The following ANGPT1 variants were observed in gnomAD, a reference collection of about 807,000 sequenced individuals.
ANGPT1 encodes the protein angiopoietin-1.
A neutral mutation model predicts 62.2 loss-of-function variants in ANGPT1; 17 were observed. That is an observed-to-expected ratio of 0.27 (90% CI 0.19 to 0.41). The LOEUF (loss-of-function observed/expected upper bound fraction) is 0.41. Ranked by LOEUF, ANGPT1 falls within the 10% of genes least tolerant of loss-of-function variation. The pLI is 1.00. For synonymous variants in ANGPT1, 199 were observed against 198.9 expected, an observed-to-expected ratio of 1.00 and a Z score of 0.00; for missense variants, 478 against 594.9, an observed-to-expected ratio of 0.80 and a Z score of 2.04.
intron 1 of ANGPT1, among the ~76,000 whole-genome samples, chr8:107,459,936 A>C (rs1812022983): frequency 6.6e-6 from 1 of 152,176 alleles, no homozygotes; most frequent in African/African-American, 2.4e-5. Context: ...TTGTTTGTTG[A>C]CTAAGTGCCA....
intron 1 of ANGPT1, among the ~76,000 whole-genome samples, chr8:107,470,291 T>TG (rs1812318388): frequency 6.6e-6 from 1 of 152,114 alleles, no homozygotes; most frequent in Non-Finnish European, 1.5e-5. Flanking sequence ...TCTTACTCAA[T>TG]TTTGAAGACT....
intron 6 of ANGPT1, among the ~76,000 whole-genome samples, chr8:107,290,763 T>C (rs1814253945): frequency 6.6e-6 from 1 of 152,186 alleles, no homozygotes; most frequent in Non-Finnish European, 1.5e-5. Context: ...ATAGCCTTTC[T>C]TATTTTAAAA....
At chr8:107,398,268 G>T (rs563774502) in intron 1 of ANGPT1, among the ~76,000 whole-genome samples, 69 of 152,192 alleles carry the variant, frequency 4.5e-4, no homozygotes, top group African/African-American at 1.4e-3. Flanking sequence ...TTTTGTTAGT[G>T]GGTGATAGGT....
At chr8:107,319,346 T>A (rs982205511) in intron 4 of ANGPT1, among the ~76,000 whole-genome samples, 1 of 152,102 alleles carries the variant, frequency 6.6e-6, no homozygotes, top group East Asian at 1.9e-4. Context: ...GTGGGTCAGA[T>A]TGAAACCAGA....
At chr8:107,434,328 T>A (rs963496972) in intron 1 of ANGPT1, among the ~76,000 whole-genome samples, 3 of 152,170 alleles carry the variant, frequency 2.0e-5, no homozygotes, top group African/African-American at 4.8e-5. Flanking sequence ...GAGTCTGGAC[T>A]CAATGCATGC....
chr8:107,264,903 G>T (rs1333284765), intron 7 of ANGPT1, among the ~76,000 whole-genome samples: 1 of 152,136 alleles, frequency 6.6e-6, no homozygotes, highest in Non-Finnish European at 1.5e-5. Flanking sequence ...AATTTAGCTG[G>T]TATGAGTCTA....
At chr8:107,471,886 G>A (rs192771490) in intron 1 of ANGPT1, among the ~76,000 whole-genome samples, 5 of 152,078 alleles carry the variant, frequency 3.3e-5, no homozygotes, top group Admixed American at 6.6e-5. Flanking sequence ...TTGTGTGTTT[G>A]CTTATTTATT....
chr8:107,393,062 T>C (rs1001185501), intron 1 of ANGPT1, among the ~76,000 whole-genome samples: 5 of 152,186 alleles, frequency 3.3e-5, no homozygotes, highest in Admixed American at 2.6e-4. Flanking sequence ...AGTTATGCAT[T>C]CTGTAGAGTA....
At chr8:107,420,811 C>A (rs940619769) in intron 1 of ANGPT1, among the ~76,000 whole-genome samples, 1 of 152,016 alleles carries the variant, frequency 6.6e-6, no homozygotes, top group Non-Finnish European at 1.5e-5. Context: ...TTGTATCATC[C>A]TGTTTTTTTA....
chr8:107,491,723 T>A (rs967953604), intron 1 of ANGPT1, among the ~76,000 whole-genome samples: 2 of 152,146 alleles, frequency 1.3e-5, no homozygotes, highest in Non-Finnish European at 2.9e-5. Context: ...GTGAGAGGTG[T>A]GGGGCAGATC....
intron 8 of ANGPT1, among the ~76,000 whole-genome samples, chr8:107,253,050 G>C (rs1223596233): frequency 6.6e-6 from 1 of 152,174 alleles, no homozygotes; most frequent in Non-Finnish European, 1.5e-5. Flanking sequence ...GTCAAATGGA[G>C]AAAAGCTAGT....
chr8:107,364,064 T>C (rs1334757782), intron 1 of ANGPT1, among the ~76,000 whole-genome samples: 1 of 152,160 alleles, frequency 6.6e-6, no homozygotes. Context: ...ATAAAGTCTA[T>C]AGGTAATAAT....
intron 4 of ANGPT1, among the ~76,000 whole-genome samples, chr8:107,305,967 A>T (rs928234313): frequency 1.3e-5 from 2 of 152,066 alleles, no homozygotes; most frequent in Non-Finnish European, 2.9e-5. Flanking sequence ...CCCTTTGATA[A>T]GGGTAGATTG....
chr8:107,376,553 G>A (rs978375476), intron 1 of ANGPT1, among the ~76,000 whole-genome samples: 6 of 152,220 alleles, frequency 3.9e-5, no homozygotes, highest in South Asian at 2.1e-4. Context: ...TTTTTTTGTG[G>A]GTTTTCTGTT....
At chr8:107,396,519 T>TTC (rs1323350044) in intron 1 of ANGPT1, among the ~76,000 whole-genome samples, 1 of 135,408 alleles carries the variant, frequency 7.4e-6, no homozygotes, top group Non-Finnish European at 1.6e-5. Flanking sequence ...TTTTCTCTCT[T>TTC]TTTTTTTTTT....
At chr8:107,322,991 C>A (rs535423785) in intron 3 of ANGPT1, among the ~76,000 whole-genome samples, 2 of 152,236 alleles carry the variant, frequency 1.3e-5, no homozygotes, top group Non-Finnish European at 2.9e-5. Context: ...GGCTTAATGA[C>A]ACTACAAGTT....
At chr8:107,349,517 T>A (rs1426002136) in intron 1 of ANGPT1, among the ~76,000 whole-genome samples, 1 of 152,178 alleles carries the variant, frequency 6.6e-6, no homozygotes, top group Non-Finnish European at 1.5e-5. Flanking sequence ...TAAGTCTCCA[T>A]TATAAAGATA....
At chr8:107,264,043 T>C (rs1318131835) in intron 8 of ANGPT1, among the ~76,000 whole-genome samples, 178 bp downstream of exon 8, 3 of 152,138 alleles carry the variant, frequency 2.0e-5, no homozygotes, top group Non-Finnish European at 4.4e-5. Flanking sequence ...AACCTCTAAA[T>C]ATGCTAGCAA....
chr8:107,311,627 A>T (rs1336993648), intron 4 of ANGPT1, among the ~76,000 whole-genome samples: 1 of 152,252 alleles, frequency 6.6e-6, no homozygotes, highest in Non-Finnish European at 1.5e-5. Context: ...AAAGTGGAAG[A>T]ATAATTAAAT....
Sources: allele counts gnomAD v4.1 joint callset (sites outside exome capture counted in the v4.1 genomes callset), GRCh38; gene constraint gnomAD v4.1.1; transcripts MANE v1.5; gene names NCBI Gene and HGNC (gene_info 2026-07-23, HGNC 2026-07-21).